CD2BP2: variants seen among roughly 807,000 people sequenced by gnomAD.
CD2BP2 encodes the protein CD2 cytoplasmic tail binding protein 2.
Under a neutral mutation model 35.9 loss-of-function variants are expected in CD2BP2, and 27 were observed. That is an observed-to-expected ratio of 0.75 (90% CI 0.55 to 1.04). The LOEUF is 1.04. CD2BP2 is among the 50% of genes least tolerant of loss of function. The pLI, the probability that CD2BP2 is intolerant of heterozygous loss-of-function variation, is 0.00. For missense variants in CD2BP2, 497 were observed against 444.3 expected, an observed-to-expected ratio of 1.12 and a Z score of -1.07; for synonymous variants, 213 against 173.5, an observed-to-expected ratio of 1.23 and a Z score of -1.79.
intron 1 of CD2BP2, 165 bp from the exon 2 acceptor site, chr16:30,354,872 T>A: frequency 1.6e-6 from 1 of 620,958 alleles, no homozygotes; most frequent in East Asian, 2.8e-5. Context: ...CCTCCAGGAC[T>A]TGGGTCTAGC....
chr16:30,354,947 A>G, intron 1 of CD2BP2: 2 of 457,244 alleles, frequency 4.4e-6, no homozygotes, highest in South Asian at 4.8e-5. Context: ...CCCTGGCTGA[A>G]AGGAGACAGG....
chr16:30,355,286 G>T lies in CD2BP2; in HGVS notation c.-101C>A, dbSNP rs970068861. 6.6e-6 allele frequency: 1 copy of T among 152,468 alleles called. No individual in the cohort carries two copies. The highest frequency in any genetic ancestry group is 2.4e-5 in the African/African-American group (1 of 41,472). 9.4% of individuals were successfully genotyped at this position (152,468 alleles called of 1,614,324 possible). On this transcript the variant is annotated 5_prime_UTR_variant, in exon 1 of 7. Transcript: ENST00000305596. Reference sequence around the variant, plus strand: ...AGGGCTACATCCGGGGCACCCGGCCGCCATCACCCGGAAGAGGACTGCGGA... The same window carrying T: ...AGGGCTACATCCGGGGCACCCGGCCTCCATCACCCGGAAGAGGACTGCGGA...
chr16:30,354,791 T>C, intron 1 of CD2BP2, 84 bp from the exon 2 acceptor site: 1 of 981,736 alleles, frequency 1.0e-6, no homozygotes, highest in Non-Finnish European at 1.6e-6. Flanking sequence ...TTTCCTGGTC[T>C]GTGACAGGTA....
chr16:30,354,039 G>T lies in CD2BP2; in HGVS notation c.237C>A (p.Leu79=), dbSNP rs1458494909. 1 of 1,614,082 alleles carries T rather than the reference G, an allele frequency of 6.2e-7. No homozygotes were observed. The part of the protein sequence containing the change: ...EDVEGQEAAT[L]PSEGGVRITP... ...TGATCCGAACACCCCCCTCGCTGGG[G>T]AGTGTGGCTGCCTCCTGACCTGCAC... Residue 79 remains leucine (L), a synonymous_variant, in exon 4 of 7, where the codon CTC becomes CTA. Coordinates refer to ENST00000305596, the MANE Select transcript of CD2BP2 (RefSeq NM_006110.3).
At chr16:30,353,154 G>A (rs762715082) in intron 6 of CD2BP2, 27 bp downstream of exon 6, 6 of 1,607,182 alleles carry the variant, frequency 3.7e-6, no homozygotes, top group Non-Finnish European at 5.1e-6. Context: ...GCAGGGACAA[G>A]GCAGGAGGAG....
At chr16:30,355,159 G>C (rs1333484291) in intron 1 of CD2BP2, 53 bp downstream of exon 1, 1 of 163,178 alleles carries the variant, frequency 6.1e-6, no homozygotes, top group Non-Finnish European at 1.3e-5. Flanking sequence ...CCCGGGCTGT[G>C]TACAACTTAG....
In CD2BP2 at chr16:30,355,237, G is replaced by C. The variant is rs544724289; in HGVS notation, c.-52C>G. 6.5e-6 allele frequency: 1 copy of C among 152,678 alleles called. No individual in the cohort carries two copies. Among genetic ancestry groups the C allele is most frequent in the Non-Finnish European group, 1.5e-5 (1 of 68,280 alleles). 9.5% of individuals were successfully genotyped at this position (152,678 alleles called of 1,614,324 possible). On this transcript the variant is annotated 5_prime_UTR_variant, in exon 1 of 7. Coordinates refer to ENST00000305596, the MANE Select transcript of CD2BP2 (RefSeq NM_006110.3). The stretch of plus-strand genomic sequence containing the variant: ...CTGGGAATCCGCGGAAGGCGAGGTG[G>C]AAAAAAGAAGAGATGCTTGCGCCAG...
intron 3 of CD2BP2, 42 bp downstream of exon 3, chr16:30,354,142 T>TA (rs1323917651): frequency 6.2e-7 from 1 of 1,613,388 alleles, no homozygotes; most frequent in Non-Finnish European, 8.5e-7. Flanking sequence ...CAGAGGCCCC[T>TA]ACTTGTTTTT....
rs935474916 is a variant in CD2BP2 at position 30,354,073 on chromosome 16, C to G, written c.218-15G>C. ...TGCCTCCTGACCTGCACCAAAGACA[C>G]AGGTGCCCTTTTCCAGGCATGGAAA... On this transcript the variant is annotated splice_polypyrimidine_tract_variant and intron_variant, in intron 3 of 6. Transcript: ENST00000305596. The G allele has an allele frequency of 6.2e-7, 1 of 1,613,640 alleles. No individual in the cohort carries two copies. Among genetic ancestry groups the G allele is most frequent in the Non-Finnish European group, 8.5e-7 (1 of 1,179,732 alleles).
In CD2BP2 at chr16:30,353,945, G is replaced by T. The variant is rs149209324; in HGVS notation, c.331C>A (p.Arg111=). The change falls in exon 4 of 7, where the codon CGG becomes AGG. Residue 111 remains arginine (R), a synonymous_variant. Coordinates refer to ENST00000305596, the MANE Select transcript of CD2BP2 (RefSeq NM_006110.3). ...FDADGNYFLN[R]DAQIRDSWLD... ...CAGCTGTCTCGGATCTGAGCATCCC[G>T]GTTCAGGAAGTAGTTGCCATCGGCA... 12 of 1,614,010 alleles carry T rather than the reference G, an allele frequency of 7.4e-6. No individual in the cohort carries two copies. The highest frequency in any genetic ancestry group is 1.3e-5 in the African/African-American group (1 of 74,914).
chr16:30,351,924 G>A lies in CD2BP2; in HGVS notation c.*1061C>T, dbSNP rs745703176. 9 of 152,378 alleles carry A rather than the reference G, an allele frequency of 5.9e-5. No homozygotes were observed. The highest frequency in any genetic ancestry group is 1.2e-4 in the African/African-American group (5 of 41,464). 9.4% of individuals were successfully genotyped at this position (152,378 alleles called of 1,614,324 possible). ...TACAGCTCCCCAGGAGACTCCAAGG[G>A]GCAGCCAGAGTGCAAAACCGGAAGA... On this transcript the variant is annotated 3_prime_UTR_variant, in exon 7 of 7. Coordinates refer to ENST00000305596, the MANE Select transcript of CD2BP2 (RefSeq NM_006110.3).
intron 2 of CD2BP2, 135 bp downstream of exon 2, chr16:30,354,469 C>A: frequency 7.4e-7 from 1 of 1,347,504 alleles, no homozygotes; most frequent in South Asian, 1.3e-5. Context: ...AAGACGCTCC[C>A]AACCCATTCC....
In CD2BP2 at chr16:30,354,646, T is replaced by C; in HGVS notation, c.36A>G (p.Gly12=). The C allele has an allele frequency of 6.2e-7, 1 of 1,613,812 alleles. No homozygotes were observed. The highest frequency in any genetic ancestry group is 2.2e-5 in the East Asian group (1 of 44,862). Residue 12 remains glycine, a synonymous_variant, in exon 2 of 7, where the codon GGA becomes GGG. Coordinates refer to ENST00000305596, the MANE Select transcript of CD2BP2 (RefSeq NM_006110.3). ...TGATTTCATCCTCATCCTCCTCATC[T>C]CCCACGCCTTGGAAGGTCACTTTCC... ...PKRKVTFQGV[G]DEEDEDEIIV...
Position 30,353,888 on chromosome 16 carries a change from C to T in CD2BP2, c.375+13G>A. On this transcript the variant is annotated intron_variant, in intron 4 of 6. Coordinates refer to ENST00000305596, the MANE Select transcript of CD2BP2 (RefSeq NM_006110.3). ...ACTCCCAGGCCCCAGCCACGCCAGC[C>T]CCTGGGCCGCACCCAGTCAATGTTG... 11 of 1,613,544 alleles carry T rather than the reference C, an allele frequency of 6.8e-6. No individual in the cohort carries two copies. The highest frequency in any genetic ancestry group is 9.3e-6 in the Non-Finnish European group (11 of 1,179,930).
rs778978705 is a variant in CD2BP2, at chr16:30,353,413, A to G, written c.763T>C (p.Leu255=). 3.3e-5 allele frequency: 53 copies of G among 1,612,726 alleles called. No homozygotes were observed. Among genetic ancestry groups the G allele is most frequent in the Non-Finnish European group, 4.2e-5 (49 of 1,179,720 alleles). The change falls in exon 5 of 7, where the codon TTG becomes CTG. Residue 255 remains leucine, a synonymous_variant. Coordinates refer to ENST00000305596, the MANE Select transcript of CD2BP2 (RefSeq NM_006110.3). ...GGGGTCTCCAGTTCCTCCTCCGCCAACTCCTCAGCGAACATGTCCAGGGAG... is the reference window on the plus strand; with the variant it reads ...GGGGTCTCCAGTTCCTCCTCCGCCAGCTCCTCAGCGAACATGTCCAGGGAG... ...PPSLDMFAEE[L]AEEELETPTP...
At position 30,354,714 on chromosome 16, in the gene CD2BP2, A is replaced by G; in HGVS notation, c.-26-7T>C. The G allele has an allele frequency of 6.2e-7, 1 of 1,602,918 alleles. No individual in the cohort carries two copies. Among genetic ancestry groups the G allele is most frequent in the Non-Finnish European group, 8.5e-7 (1 of 1,169,848 alleles). The stretch of plus-strand genomic sequence containing the variant: ...CAAAGAGGTGTTTCTCAAGCTGAGG[A>G]AAGGATGCAGAGGAAGGGAACCGGG... On this transcript the variant is annotated splice_polypyrimidine_tract_variant and splice_region_variant and intron_variant, in intron 1 of 6. Coordinates refer to ENST00000305596, the MANE Select transcript of CD2BP2 (RefSeq NM_006110.3).
intron 2 of CD2BP2, 86 bp from the exon 3 acceptor site, chr16:30,354,408 A>G: frequency 6.7e-7 from 1 of 1,484,978 alleles, no homozygotes; most frequent in Non-Finnish European, 9.1e-7. Context: ...AATATTCCCC[A>G]AATATTTCAG....
Position 30,354,210 on chromosome 16 carries a change from T to C in CD2BP2, c.191A>G (p.Asp64Gly). 4 of 1,614,090 alleles carry C rather than the reference T, an allele frequency of 2.5e-6. No individual in the cohort carries two copies. The highest frequency in any genetic ancestry group is 3.4e-6 in the Non-Finnish European group (4 of 1,179,996). The change falls in exon 3 of 7, where the codon GAC becomes GGC. Residue 64 changes from aspartate to glycine, a missense_variant. Physicochemically the swap from Asp to Gly is moderately conservative, Grantham distance 94. Transcript: ENST00000305596. The stretch of plus-strand genomic sequence containing the variant: ...TTCTACATCCTCTGAGGCCAAGATG[T>C]CATATTTGCTGGACCCCCCATCATC... Reference protein sequence around the residue: ...DDDDGGSSKYDILASEDVEGQ... With the variant: ...DDDDGGSSKYGILASEDVEGQ...
At position 30,354,228 on chromosome 16, in the gene CD2BP2, CCAT is replaced by C. The variant is rs770436100; in HGVS notation, c.170_172del (p.Asp57del). ...CAAGATGTCATATTTGCTGGACCCC[CCAT>C]CATCATCATCCTCCTCCTCATCGCT... On this transcript the variant is annotated inframe_deletion, in exon 3 of 7. Transcript: ENST00000305596. 6 of 1,614,062 alleles carry C rather than the reference CCAT, an allele frequency of 3.7e-6. No homozygotes were observed. The Admixed American group carries it at 5.0e-5, about 13-fold the overall frequency.
Sources: allele counts gnomAD v4.1 joint callset, GRCh38; gene constraint gnomAD v4.1.1; transcripts MANE v1.5; gene names NCBI Gene and HGNC (gene_info 2026-07-23, HGNC 2026-07-21).